The following MAN1C1 variants were observed in gnomAD, a reference collection of about 807,000 sequenced individuals.
MAN1C1 encodes the protein mannosyl-oligosaccharide 1,2-alpha-mannosidase IC.
In MAN1C1, 49 loss-of-function variants were observed where a neutral mutation model predicts 71.5. That is an observed-to-expected ratio of 0.69 (90% CI 0.54 to 0.87). The LOEUF is 0.87. Ranked by LOEUF, MAN1C1 falls within the 40% of genes least tolerant of loss-of-function variation. The probability of loss-of-function intolerance (pLI) is 0.00; values close to 1 mark genes in which losing one functional copy is unlikely to be tolerated. For missense variants in MAN1C1, 743 were observed against 835.0 expected, an observed-to-expected ratio of 0.89 and a Z score of 1.36; for synonymous variants, 352 against 343.7, an observed-to-expected ratio of 1.02 and a Z score of -0.27.
Position 25,784,151 on chromosome 1 carries a change from C to T in MAN1C1, c.*362C>T, listed in dbSNP as rs2047736352. ...TTTGCTTGATTTTGTCTTTTCTCTACAGTTTAGTTTTGTCACAATTACACA... is the reference window on the plus strand; with the variant it reads ...TTTGCTTGATTTTGTCTTTTCTCTATAGTTTAGTTTTGTCACAATTACACA... On this transcript the variant is annotated 3_prime_UTR_variant, in exon 12 of 12. Transcript: ENST00000374332. 1 of 191,850 alleles carries T rather than the reference C, an allele frequency of 5.2e-6. No individual in the cohort carries two copies. Among genetic ancestry groups the T allele is most frequent in the African/African-American group, 2.3e-5 (1 of 43,132 alleles). 11.9% of individuals were successfully genotyped at this position (191,850 alleles called of 1,614,324 possible).
chr1:25,754,539 G>C (rs918715558), intron 5 of MAN1C1, among the ~76,000 whole-genome samples: 4 of 152,120 alleles, frequency 2.6e-5, no homozygotes, highest in African/African-American at 9.7e-5. Flanking sequence ...AGGCCAGGGA[G>C]GGGGGTGCTC....
intron 1 of MAN1C1, among the ~76,000 whole-genome samples, chr1:25,680,188 A>G (rs1002680004): frequency 6.6e-6 from 1 of 151,702 alleles, no homozygotes; most frequent in Non-Finnish European, 1.5e-5. Context: ...TCAGCCTCCT[A>G]AGTACCTGGG....
chr1:25,640,773 C>T (rs1021807262), intron 1 of MAN1C1, among the ~76,000 whole-genome samples: 5 of 152,210 alleles, frequency 3.3e-5, no homozygotes, highest in South Asian at 4.2e-4. Flanking sequence ...CACTCAGAGG[C>T]GGTATTGTGT....
chr1:25,681,241 G>A (rs1194099746), intron 1 of MAN1C1, among the ~76,000 whole-genome samples: 4 of 147,260 alleles, frequency 2.7e-5, no homozygotes, highest in Non-Finnish European at 4.5e-5. Context: ...AAAAAAAAAA[G>A]AAAAGAAAAG....
At chr1:25,666,616 C>T (rs1211773590) in intron 1 of MAN1C1, among the ~76,000 whole-genome samples, 6 of 152,164 alleles carry the variant, frequency 3.9e-5, no homozygotes, top group Non-Finnish European at 7.3e-5. Flanking sequence ...AAGGACCCCA[C>T]TCCCCCCACC....
At chr1:25,750,171 G>A (rs908603909) in intron 4 of MAN1C1, among the ~76,000 whole-genome samples, 1 of 152,188 alleles carries the variant, frequency 6.6e-6, no homozygotes, top group East Asian at 1.9e-4. Context: ...TTAGGACATG[G>A]GATAGGAAGG....
chr1:25,661,330 T>C (rs1468858994), intron 1 of MAN1C1, among the ~76,000 whole-genome samples: 3 of 152,254 alleles, frequency 2.0e-5, no homozygotes, highest in Admixed American at 6.5e-5. Context: ...GTGTGGACTA[T>C]GTGCCAGGCA....
At chr1:25,744,444 C>G (rs143455681) in intron 2 of MAN1C1, among the ~76,000 whole-genome samples, 203 of 152,286 alleles carry the variant, frequency 1.3e-3, no homozygotes, top group African/African-American at 4.7e-3. Flanking sequence ...GGACGCAGTG[C>G]TGGGTCCTTC....
intron 2 of MAN1C1, among the ~76,000 whole-genome samples, chr1:25,694,839 T>C (rs2046350082): frequency 6.6e-6 from 1 of 152,198 alleles, no homozygotes. Flanking sequence ...CAGCTTTGAC[T>C]TCAGAGATAT....
chr1:25,721,118 A>G (rs2046759548), intron 2 of MAN1C1, among the ~76,000 whole-genome samples: 1 of 152,116 alleles, frequency 6.6e-6, no homozygotes, highest in African/African-American at 2.4e-5. Flanking sequence ...TTCTTTTTCA[A>G]GGTTGTTTGG....
chr1:25,780,550 G>C (rs1394788666), intron 9 of MAN1C1, among the ~76,000 whole-genome samples: 1 of 152,080 alleles, frequency 6.6e-6, no homozygotes, highest in Non-Finnish European at 1.5e-5. Context: ...TTTAACCCTC[G>C]GTTCCCCAGA....
At position 25,746,721 on chromosome 1, in the gene MAN1C1, G is replaced by A. The variant is rs1422352709; in HGVS notation, c.691G>A (p.Glu231Lys). The A allele has an allele frequency of 1.2e-6, 2 of 1,611,204 alleles. No individual in the cohort carries two copies. The highest frequency in any genetic ancestry group is 1.7e-6 in the Non-Finnish European group (2 of 1,178,458). Residue 231 changes from glutamate (E) to lysine (K), a missense_variant, in exon 3 of 12, where the codon GAG (glutamate) becomes AAG (lysine). Coordinates refer to ENST00000374332, the MANE Select transcript of MAN1C1 (RefSeq NM_020379.4). The surrounding 1 kb of genome is among the most constrained non-coding windows in gnomAD (Gnocchi z 4.0). ...CTCCCTCGATACCCTCTACCTCATG[G>A]AGCTGAAGGAGGAGTTCCAGGAGGC... ...IDSLDTLYLM[E>K]LKEEFQEAKA...
In MAN1C1 at chr1:25,627,287, T is replaced by C. The variant is rs201282787; in HGVS notation, c.540+8950T>C. Among the ~76,000 whole-genome samples, 537 of 151,862 alleles carry C rather than the reference T, an allele frequency of 3.5e-3. 5 individuals are homozygous for C. Among genetic ancestry groups the C allele is most frequent in the African/African-American group, 0.013 (518 of 41,232 alleles). On this transcript the variant is annotated intron_variant, in intron 1 of 11. Coordinates refer to ENST00000374332, the MANE Select transcript of MAN1C1 (RefSeq NM_020379.4). The stretch of plus-strand genomic sequence containing the variant: ...TTCTCTTCTCTTCTCTTGTCTTCTC[T>C]TCTTCTCTTCTCTTCTCTTTTTCTC...
intron 1 of MAN1C1, among the ~76,000 whole-genome samples, chr1:25,666,805 GAA>G (rs1178439132): frequency 6.6e-6 from 1 of 152,182 alleles, no homozygotes; most frequent in Non-Finnish European, 1.5e-5. Flanking sequence ...CTGAGATTTT[GAA>G]AGAGTCCCGG....
At chr1:25,734,594 C>T (rs1381849463) in intron 2 of MAN1C1, among the ~76,000 whole-genome samples, 2 of 152,232 alleles carry the variant, frequency 1.3e-5, no homozygotes, top group Non-Finnish European at 2.9e-5. Context: ...ATCTCAGAGC[C>T]TCATGGAGTC....
intron 2 of MAN1C1, among the ~76,000 whole-genome samples, chr1:25,715,979 A>G (rs1389747014): frequency 4.6e-5 from 7 of 152,160 alleles, no homozygotes; most frequent in Non-Finnish European, 7.3e-5. Context: ...CTTCCACCTT[A>G]CGGTCCAAAA....
chr1:25,740,912 G>A lies in MAN1C1; in HGVS notation c.638-5756G>A, dbSNP rs72875678. Among the ~76,000 whole-genome samples, 505 of 152,154 alleles carry A rather than the reference G, an allele frequency of 3.3e-3. 4 individuals carry two copies. The highest frequency in any genetic ancestry group is 0.012 in the African/African-American group (481 of 41,506). ...GTAGCACGGAGAAGGTGAGATGTGG[G>A]CAGTGTCTGGAAATCTCGCAGAGAC... On this transcript the variant is annotated intron_variant, in intron 2 of 11. Coordinates refer to ENST00000374332, the MANE Select transcript of MAN1C1 (RefSeq NM_020379.4).
chr1:25,720,728 G>A (rs868442783), intron 2 of MAN1C1, among the ~76,000 whole-genome samples: 7 of 152,186 alleles, frequency 4.6e-5, no homozygotes, highest in Middle Eastern at 6.8e-3. Context: ...TACTTTTGAC[G>A]TCTAAGAATC....
At chr1:25,718,182 A>G (rs547659961) in intron 2 of MAN1C1, among the ~76,000 whole-genome samples, 103 of 152,288 alleles carry the variant, frequency 6.8e-4, no homozygotes, top group African/African-American at 2.4e-3. Flanking sequence ...CTGTAGAGTT[A>G]ATAATCGTCG....
Sources: gnomAD v4.1 joint callset for allele counts (sites outside exome capture counted in the v4.1 genomes callset) on GRCh38, gnomAD v4.1.1 for gene constraint, Gnocchi (gnomAD v3.1) non-coding constraint, MANE v1.5 for transcripts, NCBI Gene and HGNC (gene_info 2026-07-23, HGNC 2026-07-21) for gene names.